PCCA: variants seen among roughly 807,000 people sequenced by gnomAD.
PCCA encodes the protein propionyl-CoA carboxylase alpha chain, mitochondrial.
In PCCA, 74 loss-of-function variants were observed where a neutral mutation model predicts 101.3. The ratio of observed to expected loss-of-function variants is 0.73; its 90% CI spans 0.61 to 0.89. The LOEUF (loss-of-function observed/expected upper bound fraction) is 0.89, where lower values mean the gene tolerates loss of function less well. PCCA is among the 40% of genes least tolerant of loss of function. The pLI is 0.00. For synonymous variants in PCCA, 294 were observed against 313.6 expected (o/e 0.94, Z 0.66); for missense variants, 891 against 907.0 (o/e 0.98, Z 0.23).
chr13:100,280,981 AAAAC>A (rs991407496), intron 12 of PCCA, among the ~76,000 whole-genome samples: 1 of 152,162 alleles, frequency 6.6e-6, no homozygotes, highest in Non-Finnish European at 1.5e-5. Context: ...CTGTCTCTGA[AAAAC>A]AAACAAACAA....
chr13:100,163,454 T>G (rs1248555047), intron 6 of PCCA, among the ~76,000 whole-genome samples: 7 of 152,238 alleles, frequency 4.6e-5, no homozygotes, highest in Non-Finnish European at 7.3e-5. Flanking sequence ...GATTTTATGT[T>G]GAAAATACTG....
intron 21 of PCCA, among the ~76,000 whole-genome samples, chr13:100,493,829 A>G (rs1314100347): frequency 6.6e-6 from 1 of 152,138 alleles, no homozygotes; most frequent in African/African-American, 2.4e-5. Flanking sequence ...GCTTGCTTTC[A>G]GCTTCTCTTT....
chr13:100,148,156 G>A (rs1161491056), intron 4 of PCCA, among the ~76,000 whole-genome samples: 1 of 151,988 alleles, frequency 6.6e-6, no homozygotes, highest in Non-Finnish European at 1.5e-5. Context: ...TGCAGTGGTG[G>A]AATCACAGCT....
chr13:100,519,155 G>A (rs1300309040), intron 22 of PCCA, among the ~76,000 whole-genome samples: 2 of 152,220 alleles, frequency 1.3e-5, no homozygotes, highest in African/African-American at 2.4e-5. Flanking sequence ...GTATTCTGCA[G>A]TCATCACAGA....
chr13:100,198,468 G>GTTCATTCATTCATTCATTCA (rs34318074), intron 6 of PCCA: 1 of 149,256 alleles, frequency 6.7e-6, no homozygotes, highest in African/African-American at 2.5e-5. Context: ...CAGTTGCCAC[G>GTTCATTCATTCATTCATTCA]TTCATTCATT....
intron 6 of PCCA, among the ~76,000 whole-genome samples, chr13:100,178,745 T>A (rs1043039862): frequency 6.6e-6 from 1 of 151,940 alleles, no homozygotes; most frequent in Admixed American, 6.6e-5. Context: ...TAAAAAAAAA[T>A]AATTTAGACA....
At chr13:100,174,978 C>G (rs1053506695) in intron 6 of PCCA, among the ~76,000 whole-genome samples, 14 of 151,912 alleles carry the variant, frequency 9.2e-5, no homozygotes, top group African/African-American at 3.1e-4. Flanking sequence ...TTAATAAATA[C>G]TAGATGTCTG....
chr13:100,368,003 A>G (rs2075319622), intron 18 of PCCA, among the ~76,000 whole-genome samples: 1 of 152,072 alleles, frequency 6.6e-6, no homozygotes, highest in Non-Finnish European at 1.5e-5. Context: ...TAGCTAATGT[A>G]CTAAGATATT....
At chr13:100,150,982 C>A in intron 4 of PCCA, 2 of 1,519,076 alleles carry the variant, frequency 1.3e-6, no homozygotes, top group Non-Finnish European at 9.1e-7. Flanking sequence ...GGCGGAGAGC[C>A]CTGTGGAGAG....
intron 19 of PCCA, among the ~76,000 whole-genome samples, chr13:100,415,049 A>T (rs373918873): frequency 1.8e-4 from 27 of 152,080 alleles, no homozygotes; most frequent in African/African-American, 6.0e-4. Context: ...ACTTTTTTAG[A>T]TGTAAAATGG....
intron 6 of PCCA, among the ~76,000 whole-genome samples, chr13:100,182,098 C>CTTTTTTT (rs558498604): frequency 6.6e-5 from 7 of 105,448 alleles, no homozygotes; most frequent in Admixed American, 2.1e-4. Context: ...TTTTCTTTTT[C>CTTTTTTT]TTTTTTTTTT....
At chr13:100,358,074 T>C in intron 18 of PCCA, among the ~76,000 whole-genome samples, 1 of 152,222 alleles carries the variant, frequency 6.6e-6, no homozygotes, top group Non-Finnish European at 1.5e-5. Flanking sequence ...GTAAACACCT[T>C]GAGCTTTCCA....
intron 21 of PCCA, among the ~76,000 whole-genome samples, chr13:100,462,383 T>G (rs1265475764): frequency 1.3e-5 from 2 of 152,244 alleles, no homozygotes; most frequent in African/African-American, 4.8e-5. Flanking sequence ...TGCTATACTA[T>G]GTGCTAGGAA....
chr13:100,348,787 T>TTCCTTC (rs2072771494), intron 18 of PCCA, among the ~76,000 whole-genome samples: 134 of 46,610 alleles, frequency 2.9e-3, no homozygotes, highest in South Asian at 4.4e-3. Flanking sequence ...TTTCTTTCTT[T>TTCCTTC]CTTCCTTCCT....
chr13:100,166,055 A>G (rs1018790787), intron 6 of PCCA, among the ~76,000 whole-genome samples: 1 of 152,182 alleles, frequency 6.6e-6, no homozygotes, highest in Non-Finnish European at 1.5e-5. Context: ...TCATAATCAC[A>G]ATCAGAATAA....
At chr13:100,283,481 C>T (rs895882816) in intron 12 of PCCA, among the ~76,000 whole-genome samples, 9 of 152,196 alleles carry the variant, frequency 5.9e-5, no homozygotes, top group East Asian at 5.8e-4. Flanking sequence ...CTTCCTCGAG[C>T]GGCTACGGGA....
chr13:100,205,540 T>TTA (rs1334910951), intron 6 of PCCA, among the ~76,000 whole-genome samples: 1 of 149,786 alleles, frequency 6.7e-6, no homozygotes, highest in Non-Finnish European at 1.5e-5. Context: ...GATATAAGCT[T>TTA]TTTTTTTTTT....
At chr13:100,244,418 T>C (rs1212220256) in intron 8 of PCCA, among the ~76,000 whole-genome samples, 1 of 152,224 alleles carries the variant, frequency 6.6e-6, no homozygotes, top group Non-Finnish European at 1.5e-5. Flanking sequence ...ACAAGTTCTT[T>C]TTCTGTCTTT....
At chr13:100,241,623 A>G (rs1191933817) in intron 8 of PCCA, among the ~76,000 whole-genome samples, 1 of 152,028 alleles carries the variant, frequency 6.6e-6, no homozygotes, top group African/African-American at 2.4e-5. Flanking sequence ...GGTGTGTGCC[A>G]CTATGCCTAA....
Sources: allele counts gnomAD v4.1 joint callset (sites outside exome capture counted in the v4.1 genomes callset), GRCh38; gene constraint gnomAD v4.1.1; transcripts MANE v1.5; gene names NCBI Gene and HGNC (gene_info 2026-07-23, HGNC 2026-07-21).